Variants in SVOP observed in about 807,000 individuals in gnomAD.
SVOP encodes synaptic vesicle 2-related protein.
Under a neutral mutation model 69.1 loss-of-function variants are expected in SVOP, and 17 were observed. The observed-to-expected ratio is 0.25, with a 90% confidence interval of 0.17 to 0.37. The LOEUF is 0.37. Among genes scored for constraint, SVOP ranks in the 10% least tolerant of loss-of-function variants. SVOP has a pLI of 1.00. For synonymous variants in SVOP, 238 were observed against 238.6 expected, an observed-to-expected ratio of 1.00 and a Z score of 0.02; for missense variants, 435 against 597.5, an observed-to-expected ratio of 0.73 and a Z score of 2.84.
intron 15 of SVOP, 133 bp downstream of exon 15, chr12:108,915,650 C>T (rs1056758440): frequency 6.8e-6 from 6 of 882,186 alleles, no homozygotes; most frequent in African/African-American, 3.5e-5. Flanking sequence ...TTCTTCTGTC[C>T]TCGGGTGTGT....
chr12:109,018,253 C>T (rs1177724313), intron 1 of SVOP, among the ~76,000 whole-genome samples: 2 of 152,198 alleles, frequency 1.3e-5, no homozygotes, highest in Non-Finnish European at 2.9e-5. Context: ...AAACTCTCAG[C>T]CTCCCAAATC....
At chr12:108,948,637 T>C (rs2039937657) in intron 6 of SVOP, among the ~76,000 whole-genome samples, 1 of 152,230 alleles carries the variant, frequency 6.6e-6, no homozygotes. Context: ...GAAGTCTTTG[T>C]CTTCACATTG....
At position 108,912,541 on chromosome 12, in the gene SVOP, C is replaced by T. The variant is rs987586357; in HGVS notation, c.1641G>A (p.Gln547=). Residue 547 remains glutamine (Q), a synonymous_variant, in exon 16 of 16, where the codon CAG becomes CAA. Transcript: ENST00000610966. ...CTCAGTCCCCCATCGGTCACTATTC[C>T]TGAGAGCCAGAGTTCGACCTGGTAA... The part of the protein sequence containing the change: ...AGVTRSNSGS[Q]E 1 of 1,613,822 alleles carries T rather than the reference C, an allele frequency of 6.2e-7. No homozygotes were observed. Among genetic ancestry groups the T allele is most frequent in the Non-Finnish European group, 8.5e-7 (1 of 1,179,732 alleles).
chr12:108,930,418 G>A (rs2039809690), intron 11 of SVOP, among the ~76,000 whole-genome samples: 1 of 142,810 alleles, frequency 7.0e-6, no homozygotes, highest in African/African-American at 2.6e-5. Flanking sequence ...TTTGAATAGA[G>A]TTTGAACAGT....
chr12:108,922,757 C>T lies in SVOP; in HGVS notation c.1089G>A (p.Leu363=), dbSNP rs745966486. The change falls in exon 12 of 16, where the codon CTG becomes CTA. Residue 363 remains leucine (L), a synonymous_variant. Transcript: ENST00000610966. ...CCTCCTCACTCAGGTACTCGCAGGC[C>T]AGGCTGCATTTTGCCTCTACAGCCT... ...RKKAVEAKCS[L]ACEYLSEEDY... The T allele has an allele frequency of 3.2e-5, 51 of 1,611,350 alleles. No individual in the cohort carries two copies. Among genetic ancestry groups the T allele is most frequent in the Non-Finnish European group, 4.0e-5 (47 of 1,179,108 alleles).
chr12:108,968,011 T>G (rs1455023225), intron 5 of SVOP, among the ~76,000 whole-genome samples: 3 of 152,164 alleles, frequency 2.0e-5, no homozygotes, highest in African/African-American at 7.2e-5. Context: ...GTAAATATAC[T>G]CTTCCAAGGG....
At chr12:108,938,237 A>G (rs958492611) in intron 9 of SVOP, among the ~76,000 whole-genome samples, 1 of 152,230 alleles carries the variant, frequency 6.6e-6, no homozygotes, top group Non-Finnish European at 1.5e-5. Flanking sequence ...TGTTTCTTCA[A>G]TCGGCTTGGA....
intron 1 of SVOP, among the ~76,000 whole-genome samples, chr12:108,984,111 A>G (rs2040155527): frequency 6.6e-6 from 1 of 152,204 alleles, no homozygotes; most frequent in Non-Finnish European, 1.5e-5. Context: ...TATATCTAAC[A>G]TTTTGGTCAT....
chr12:108,998,651 AAT>A (rs932314951), intron 1 of SVOP, among the ~76,000 whole-genome samples: 2 of 152,214 alleles, frequency 1.3e-5, no homozygotes, highest in Admixed American at 1.3e-4. Context: ...AGTGGGGGCC[AAT>A]ATTCAACATT....
At chr12:108,914,461 C>T (rs528567083) in intron 15 of SVOP, among the ~76,000 whole-genome samples, 2 of 152,308 alleles carry the variant, frequency 1.3e-5, no homozygotes, top group South Asian at 2.1e-4. Flanking sequence ...TCATGACACA[C>T]GAAGAGTTGC....
chr12:108,949,223 C>T (rs2039940788), intron 6 of SVOP, among the ~76,000 whole-genome samples: 2 of 152,004 alleles, frequency 1.3e-5, no homozygotes, highest in African/African-American at 4.8e-5. Flanking sequence ...ACTCCCATTC[C>T]TCTCCCCCAA....
At chr12:108,943,552 C>A (rs143836847) in intron 7 of SVOP, among the ~76,000 whole-genome samples, 5,430 of 150,720 alleles carry the variant, frequency 0.036, 615 homozygotes, top group Admixed American at 0.22. Flanking sequence ...GAGCCAAGAT[C>A]GCGCCACTGC....
intron 6 of SVOP, among the ~76,000 whole-genome samples, chr12:108,950,261 T>G (rs1427923789): frequency 6.7e-6 from 1 of 149,540 alleles, no homozygotes; most frequent in African/African-American, 2.5e-5. Flanking sequence ...TTTTTTTTTG[T>G]AGACATGGAG....
intron 11 of SVOP, among the ~76,000 whole-genome samples, chr12:108,924,038 A>G (rs532451379): frequency 6.6e-6 from 1 of 152,312 alleles, no homozygotes; most frequent in African/African-American, 2.4e-5. Flanking sequence ...TGATTAAGTC[A>G]TGAAGGCTCT....
intron 6 of SVOP, among the ~76,000 whole-genome samples, chr12:108,956,029 A>C (rs139555374): frequency 6.6e-6 from 1 of 151,904 alleles, no homozygotes; most frequent in Non-Finnish European, 1.5e-5. Flanking sequence ...GGCTGGGCGC[A>C]GTGGCTCACG....
At position 108,973,289 on chromosome 12, in the gene SVOP, C is replaced by G. The variant is rs566035573; in HGVS notation, c.382-813G>C. Among the ~76,000 whole-genome samples, 157 of 152,222 alleles carry G rather than the reference C, an allele frequency of 1.0e-3. 4 individuals are homozygous for G. In the South Asian group the frequency reaches 0.02, roughly 20 times the overall value. On this transcript the variant is annotated intron_variant, in intron 4 of 15. Transcript: ENST00000610966. ...GGCACAGATTCAGTTTGGTCTGACC[C>G]AAAAAGCATTTCTTGTGGCATGTCC...
At chr12:108,934,716 G>C (rs573562420) in intron 10 of SVOP, among the ~76,000 whole-genome samples, 5 of 152,324 alleles carry the variant, frequency 3.3e-5, no homozygotes, top group African/African-American at 1.2e-4. Context: ...ATGGCGATGA[G>C]AGTGACCTCT....
chr12:109,007,533 A>T (rs1310365524), intron 1 of SVOP, among the ~76,000 whole-genome samples: 1 of 152,230 alleles, frequency 6.6e-6, no homozygotes, highest in Non-Finnish European at 1.5e-5. Flanking sequence ...CTTATCAGGC[A>T]CAGAAGTCGA....
chr12:108,982,587 TCACTATCATCAC>T (rs1408566043), intron 2 of SVOP, among the ~76,000 whole-genome samples: 1 of 151,180 alleles, frequency 6.6e-6, no homozygotes, highest in Non-Finnish European at 1.5e-5. Flanking sequence ...ATTATCATCA[TCACTATCATCAC>T]CACTGCCATC....
Sources: allele counts gnomAD v4.1 joint callset (sites outside exome capture counted in the v4.1 genomes callset), GRCh38; gene constraint gnomAD v4.1.1; transcripts MANE v1.5; gene names NCBI Gene and HGNC (gene_info 2026-07-23, HGNC 2026-07-21).